SH3TC1: variants seen among roughly 807,000 people sequenced by gnomAD.
The protein encoded by SH3TC1 is SH3 domain and tetratricopeptide repeat-containing protein 1.
Under a neutral mutation model 117.3 loss-of-function variants are expected in SH3TC1, and 135 were observed. The ratio of observed to expected loss-of-function variants is 1.15; its 90% CI spans 1.00 to 1.33. The LOEUF is 1.33. SH3TC1 is among the 40% of genes most tolerant of loss of function. The probability of loss-of-function intolerance (pLI) is 0.00; values close to 1 mark genes in which losing one functional copy is unlikely to be tolerated. For missense variants in SH3TC1, 2,092 were observed against 1,794.3 expected (o/e 1.17, Z -3.00); for synonymous variants, 898 against 816.9 (o/e 1.10, Z -1.69).
chr4:8,186,538 A>G lies in SH3TC1; in HGVS notation c.-57+4328A>G, dbSNP rs1717227873. On this transcript the variant is annotated intron_variant, in intron 1 of 16. Coordinates refer to the SH3TC1 transcript ENST00000508641. The surrounding 1 kb of genome is among the most constrained non-coding windows in gnomAD (Gnocchi z 5.2). Reference sequence around the variant, plus strand: ...ATGTGACAGGTTACGCAGGTGTGAGATGGTCATCACGGGGGAGGCTGATGG... The same window carrying G: ...ATGTGACAGGTTACGCAGGTGTGAGGTGGTCATCACGGGGGAGGCTGATGG... Among the ~76,000 whole-genome samples the G allele has an allele frequency of 6.6e-6, 1 of 152,212 alleles. No homozygotes were observed. The highest frequency in any genetic ancestry group is 6.5e-5 in the Admixed American group (1 of 15,272).
At chr4:8,240,677 A>G in intron 17 of SH3TC1, 21 bp from the exon 18 acceptor site, 1 of 1,613,520 alleles carries the variant, frequency 6.2e-7, no homozygotes, top group Non-Finnish European at 8.5e-7. Flanking sequence ...CCTTTTGCTG[A>G]GCATGGCCTG....
At chr4:8,198,872 C>T (rs549016266), upstream of SH3TC1, among the ~76,000 whole-genome samples, 1 of 152,332 alleles carries the variant, frequency 6.6e-6, no homozygotes, top group East Asian at 1.9e-4. Context: ...TCTCTGTGTG[C>T]CCATGCATAT....
chr4:8,197,576 C>G (rs1717597458), upstream of SH3TC1, among the ~76,000 whole-genome samples: 1 of 152,174 alleles, frequency 6.6e-6, no homozygotes, highest in Non-Finnish European at 1.5e-5. Context: ...TTTGGTGCCT[C>G]TGAACCCTCC....
rs1718462506 is a variant in SH3TC1, at chr4:8,209,456, C to T, written c.173-292C>T. 6.6e-6 allele frequency among the ~76,000 whole-genome samples: 1 copy of T among 152,210 alleles called. No individual in the cohort carries two copies. The highest frequency in any genetic ancestry group is 6.5e-5 in the Admixed American group (1 of 15,284). ...AGGAACAGGGCCCTGTCCACACCCT[C>T]ACTTTAGCTCTGTGAGGCCCATTGG... On this transcript the variant is annotated intron_variant, in intron 2 of 17. Coordinates refer to ENST00000245105, the MANE Select transcript of SH3TC1 (RefSeq NM_018986.5). The surrounding 1 kb of genome is among the most constrained non-coding windows in gnomAD (Gnocchi z 5.9).
At chr4:8,191,850 T>C (rs756663229) in intron 1 of SH3TC1, among the ~76,000 whole-genome samples, 3 of 152,092 alleles carry the variant, frequency 2.0e-5, no homozygotes, top group Non-Finnish European at 4.4e-5. Flanking sequence ...GAGACAGCAT[T>C]TTATACAGGA....
In SH3TC1 at chr4:8,227,407, C is replaced by A; in HGVS notation, c.1713C>A (p.Ser571Arg). 6.5e-7 allele frequency: 1 copy of A among 1,549,710 alleles called. No homozygotes were observed. Among genetic ancestry groups the A allele is most frequent in the Non-Finnish European group, 8.7e-7 (1 of 1,149,978 alleles). ...GCTTCCTCCTGGGGCGGCTGTGCAG[C>A]AGGAGGCTCAAGCTGTCCCAGGCCC... ...RLCFLLGRLC[S>R]RRLKLSQARV... Residue 571 changes from serine to arginine, a missense_variant, in exon 12 of 18, where the codon AGC becomes AGA. Ser to Arg is a moderately radical substitution (Grantham distance 110). Coordinates refer to ENST00000245105, the MANE Select transcript of SH3TC1 (RefSeq NM_018986.5).
intron 1 of SH3TC1, among the ~76,000 whole-genome samples, chr4:8,202,559 G>T (rs1005818073): frequency 3.9e-5 from 6 of 152,186 alleles, no homozygotes; most frequent in Non-Finnish European, 8.8e-5. Context: ...GAGGTGGTTG[G>T]GGGGTGGGAA....
rs759963375 is a variant in SH3TC1 at position 8,222,904 on chromosome 4, G to A, written c.1177G>A (p.Glu393Lys). The change falls in exon 10 of 18, where the codon GAG becomes AAG. Residue 393 changes from glutamate to lysine, a missense_variant. Glu to Lys is a moderately conservative substitution (Grantham distance 56). Transcript: ENST00000245105. The part of the protein sequence containing the change: ...KSFFSEGCFS[E>K]EDARQLLRRM... Reference sequence around the variant, plus strand: ...ATTCTTCAGCGAGGGCTGCTTTTCTGAGGAGGATGCCAGGCAGTTGCTGAG... The same window carrying A: ...ATTCTTCAGCGAGGGCTGCTTTTCTAAGGAGGATGCCAGGCAGTTGCTGAG... 3.1e-6 allele frequency: 5 copies of A among 1,613,644 alleles called. No homozygotes were observed. The highest frequency in any genetic ancestry group is 4.2e-6 in the Non-Finnish European group (5 of 1,179,926).
At position 8,228,661 on chromosome 4, in the gene SH3TC1, C is replaced by G; in HGVS notation, c.2950+17C>G. 1 of 1,450,772 alleles carries G rather than the reference C, an allele frequency of 6.9e-7. No homozygotes were observed. The highest frequency in any genetic ancestry group is 9.1e-7 in the Non-Finnish European group (1 of 1,101,322). The allele number at this position is 1,450,772 out of a possible 1,614,324, so 89.9% of individuals were successfully genotyped here. ...ACGTGGAGAGTGAGTGCCCCAGTTCCTTCTGTGTGCCTTCCGGGGCCACTC... is the reference window on the plus strand; with the variant it reads ...ACGTGGAGAGTGAGTGCCCCAGTTCGTTCTGTGTGCCTTCCGGGGCCACTC... On this transcript the variant is annotated intron_variant, in intron 12 of 17. Coordinates refer to ENST00000245105, the MANE Select transcript of SH3TC1 (RefSeq NM_018986.5).
At chr4:8,211,523 C>A (rs1357260047) in intron 3 of SH3TC1, among the ~76,000 whole-genome samples, 1 of 30,788 alleles carries the variant, frequency 3.2e-5, no homozygotes, top group Non-Finnish European at 1.1e-4. Flanking sequence ...TCCTTCTCCC[C>A]TTCTACTCCT....
At chr4:8,235,760 C>A in intron 15 of SH3TC1, 1 of 591,220 alleles carries the variant, frequency 1.7e-6, no homozygotes, top group East Asian at 3.4e-5. Context: ...CAGCAATGGC[C>A]TTACCCTTGC....
chr4:8,196,630 C>G (rs1187515704), upstream of SH3TC1, among the ~76,000 whole-genome samples: 3 of 152,134 alleles, frequency 2.0e-5, no homozygotes, highest in African/African-American at 7.2e-5. The surrounding 1 kb of genome is among the most constrained non-coding windows in gnomAD (Gnocchi z 4.6). Flanking sequence ...GAAGCATTAC[C>G]CAGTCCCCTG....
rs377294974 is a variant in SH3TC1 at position 8,227,647 on chromosome 4, G to A, written c.1953G>A (p.Ala651=). The A allele has an allele frequency of 1.1e-5, 17 of 1,526,566 alleles. No homozygotes were observed. The highest frequency in any genetic ancestry group is 8.6e-5 in the Admixed American group (4 of 46,424). 94.6% of individuals were successfully genotyped at this position (1,526,566 alleles called of 1,614,324 possible). ...CGGAGGGGGAGCTCCTGCAGCTGGC[G>A]CTGCGGCGGGCGGTGGGTGGCCAGA... ...TEAEGELLQL[A]LRRAVGGQSL... The change falls in exon 12 of 18, where the codon GCG becomes GCA. Residue 651 remains alanine (A), a synonymous_variant. Coordinates refer to ENST00000245105, the MANE Select transcript of SH3TC1 (RefSeq NM_018986.5).
Position 8,205,966 on chromosome 4 carries a change from G to A in SH3TC1, c.172+600G>A, listed in dbSNP as rs1350929423. 2 of 421,854 alleles carry A rather than the reference G, an allele frequency of 4.7e-6. No individual in the cohort carries two copies. Among genetic ancestry groups the A allele is most frequent in the African/African-American group, 4.0e-5 (2 of 50,482 alleles). The allele number at this position is 421,854 out of a possible 1,614,324, so 26.1% of individuals were successfully genotyped here. ...CCCCTCCCGGCAGGAGACAGCTGCGGTTGTGACCCGTCCCTGGGCCTCGTC... is the reference window on the plus strand; with the variant it reads ...CCCCTCCCGGCAGGAGACAGCTGCGATTGTGACCCGTCCCTGGGCCTCGTC... On this transcript the variant is annotated intron_variant, in intron 2 of 17. Coordinates refer to ENST00000245105, the MANE Select transcript of SH3TC1 (RefSeq NM_018986.5). This position sits in a 1 kb window ranked among gnomAD's most constrained non-coding sequence, Gnocchi z 5.4.
In SH3TC1 at chr4:8,233,522, T is replaced by C. The variant is rs770631986; in HGVS notation, c.3282+9T>C. The stretch of plus-strand genomic sequence containing the variant: ...TGGACCTCTACATCCAGGTGAGTGA[T>C]GAGGGATGCAGGAGGGCCTCTGCAC... On this transcript the variant is annotated intron_variant, in intron 14 of 17. Transcript: ENST00000245105. The C allele has an allele frequency of 1.2e-6, 2 of 1,602,100 alleles. No homozygotes were observed. Among genetic ancestry groups the C allele is most frequent in the Non-Finnish European group, 1.7e-6 (2 of 1,174,140 alleles).
At chr4:8,236,569 C>A in intron 16 of SH3TC1, 141 bp downstream of exon 16, 1 of 1,188,694 alleles carries the variant, frequency 8.4e-7, no homozygotes, top group Non-Finnish European at 1.1e-6. Context: ...AGCTGGCTCC[C>A]CCGTCCGGCC....
chr4:8,221,757 A>G (rs1392414327), intron 9 of SH3TC1, among the ~76,000 whole-genome samples: 1 of 152,240 alleles, frequency 6.6e-6, no homozygotes, highest in Non-Finnish European at 1.5e-5. Context: ...CATTATCTAC[A>G]GATCTTACTC....
intron 17 of SH3TC1, among the ~76,000 whole-genome samples, chr4:8,238,772 A>C (rs192721794): frequency 1.7e-4 from 26 of 152,268 alleles, no homozygotes; most frequent in African/African-American, 4.1e-4. Context: ...AGGGGACTTT[A>C]TCTCTCTTAG....
Position 8,209,651 on chromosome 4 carries a change from C to T in SH3TC1, c.173-97C>T, listed in dbSNP as rs1452656976. 2 of 1,567,044 alleles carry T rather than the reference C, an allele frequency of 1.3e-6. No homozygotes were observed. The highest frequency in any genetic ancestry group is 1.2e-5 in the South Asian group (1 of 85,800). On this transcript the variant is annotated intron_variant, in intron 2 of 17. Transcript: ENST00000245105. This position sits in a 1 kb window ranked among gnomAD's most constrained non-coding sequence, Gnocchi z 5.9. ...GCGGCTCGTGCGGGACAGAACTCAC[C>T]TCTTTTCTTGCAGAGAGACCTGGAG...
Sources: gnomAD v4.1 joint callset for allele counts (sites outside exome capture counted in the v4.1 genomes callset) on GRCh38, gnomAD v4.1.1 for gene constraint, Gnocchi (gnomAD v3.1) non-coding constraint, MANE v1.5 for transcripts, NCBI Gene and HGNC (gene_info 2026-07-23, HGNC 2026-07-21) for gene names.